Variants in TXNDC12 observed in about 807,000 individuals in gnomAD.
The protein encoded by TXNDC12 is thioredoxin domain-containing protein 12.
A neutral mutation model predicts 24.2 loss-of-function variants in TXNDC12; 22 were observed. The ratio of observed to expected loss-of-function variants is 0.91; its 90% CI spans 0.65 to 1.30. The LOEUF (loss-of-function observed/expected upper bound fraction) is 1.30. Ranked by LOEUF, TXNDC12 falls within the 50% of genes most tolerant of loss-of-function variation. TXNDC12 has a pLI of 0.00. For missense variants in TXNDC12, 184 were observed against 205.8 expected (o/e 0.89, Z 0.65); for synonymous variants, 58 against 73.4 (o/e 0.79, Z 1.07).
intron 2 of TXNDC12, among the ~76,000 whole-genome samples, chr1:52,029,692 A>G (rs1452234984): frequency 6.6e-6 from 1 of 152,238 alleles, no homozygotes; most frequent in Non-Finnish European, 1.5e-5. Flanking sequence ...TCTGACACAT[A>G]TATTATTGAT....
At chr1:52,037,511 G>A (rs1187452653) in intron 2 of TXNDC12, among the ~76,000 whole-genome samples, 4 of 152,022 alleles carry the variant, frequency 2.6e-5, no homozygotes, top group Admixed American at 2.0e-4. Flanking sequence ...GGGCCCAGCC[G>A]CAAATAGACT....
chr1:52,023,973 G>C (rs762146898), intron 5 of TXNDC12, among the ~76,000 whole-genome samples: 2 of 151,536 alleles, frequency 1.3e-5, no homozygotes, highest in Non-Finnish European at 2.9e-5. Flanking sequence ...CTATTGAAGT[G>C]AATAAATGAT....
intron 2 of TXNDC12, chr1:52,033,161 C>A: frequency 6.2e-7 from 1 of 1,614,212 alleles, no homozygotes; most frequent in Non-Finnish European, 8.5e-7. Flanking sequence ...TAAAAGGCAC[C>A]GGACCCATGC....
intron 2 of TXNDC12, 56 bp downstream of exon 2, chr1:52,041,481 G>A (rs1169165314): frequency 1.5e-6 from 2 of 1,290,384 alleles, no homozygotes; most frequent in Non-Finnish European, 2.2e-6. Context: ...TTAACGTTAA[G>A]TTGATAGCTG....
chr1:52,029,982 C>T (rs983169037), intron 2 of TXNDC12, among the ~76,000 whole-genome samples: 3 of 152,084 alleles, frequency 2.0e-5, no homozygotes, highest in Admixed American at 6.6e-5. Flanking sequence ...CATTTAAATC[C>T]TCAAAATAAC....
In TXNDC12 at chr1:52,052,032, A is replaced by T. The variant is rs41294468; in HGVS notation, c.97+2968T>A. 7.2e-5 allele frequency among the ~76,000 whole-genome samples: 11 copies of T among 152,328 alleles called. No homozygotes were observed. The South Asian group carries it at 1.2e-3, about 17-fold the overall frequency. The stretch of plus-strand genomic sequence containing the variant: ...ATTAAATATTTTCTAAGTGTCCGAC[A>T]CAATATTAAGTGCCTTTTGTTTTTT... On this transcript the variant is annotated intron_variant, in intron 1 of 6. Coordinates refer to ENST00000371626, the MANE Select transcript of TXNDC12 (RefSeq NM_015913.4).
At position 52,027,622 on chromosome 1, in the gene TXNDC12, G is replaced by A. The variant is rs1235982068; in HGVS notation, c.212-274C>T. 2.6e-5 allele frequency among the ~76,000 whole-genome samples: 4 copies of A among 151,974 alleles called. No homozygotes were observed. The East Asian group carries it at 7.7e-4, about 29-fold the overall frequency. On this transcript the variant is annotated intron_variant, in intron 3 of 6. Coordinates refer to ENST00000371626, the MANE Select transcript of TXNDC12 (RefSeq NM_015913.4). ...AATGGCATACGAATAGGGGGGAAAAGCATTATTTGCTTTTTATAGTTACAT... is the reference window on the plus strand; with the variant it reads ...AATGGCATACGAATAGGGGGGAAAAACATTATTTGCTTTTTATAGTTACAT...
chr1:52,045,815 G>A (rs527293851), intron 1 of TXNDC12, among the ~76,000 whole-genome samples: 4 of 152,204 alleles, frequency 2.6e-5, no homozygotes, highest in African/African-American at 9.6e-5. Flanking sequence ...TAAGCTGAGT[G>A]ATTTTTCCAT....
chr1:52,032,741 G>A, intron 2 of TXNDC12: 1 of 1,613,804 alleles, frequency 6.2e-7, no homozygotes, highest in Non-Finnish European at 8.5e-7. Flanking sequence ...ATGTTGGCCA[G>A]TTGCGGCAAG....
chr1:52,048,792 G>A (rs1043072054), intron 1 of TXNDC12, among the ~76,000 whole-genome samples: 20 of 152,014 alleles, frequency 1.3e-4, no homozygotes, highest in Non-Finnish European at 2.4e-4. Flanking sequence ...AGGAGGCAGG[G>A]GTTGCAGTGA....
chr1:52,023,481 A>G lies in TXNDC12; in HGVS notation c.439+10T>C, dbSNP rs761865033. ...AGCAATAATCCTCCCTCCCTTCAGC[A>G]TAACTATACCTTGCTCGGCACTGAC... On this transcript the variant is annotated intron_variant, in intron 6 of 6. Coordinates refer to ENST00000371626, the MANE Select transcript of TXNDC12 (RefSeq NM_015913.4). 9.9e-6 allele frequency: 16 copies of G among 1,610,076 alleles called. No homozygotes were observed. In the East Asian group the frequency reaches 3.3e-4, roughly 34 times the overall value.
intron 2 of TXNDC12, among the ~76,000 whole-genome samples, chr1:52,039,389 C>T (rs375193601): frequency 2.0e-5 from 3 of 151,386 alleles, no homozygotes; most frequent in East Asian, 1.9e-4. Context: ...AGTGCAATGG[C>T]GTGATCTTGG....
chr1:52,033,401 C>T, intron 2 of TXNDC12: 1 of 1,451,624 alleles, frequency 6.9e-7, no homozygotes, highest in South Asian at 1.3e-5. Context: ...TCGTTCGCGC[C>T]CGCCACCTGA....
intron 2 of TXNDC12, among the ~76,000 whole-genome samples, chr1:52,037,225 T>G (rs934752099): frequency 6.6e-6 from 1 of 151,282 alleles, no homozygotes; most frequent in African/African-American, 2.4e-5. Flanking sequence ...TTTTTTTTTT[T>G]TTTTGAGACA....
chr1:52,027,698 GTATA>G (rs976473243), intron 3 of TXNDC12, among the ~76,000 whole-genome samples: 1 of 150,930 alleles, frequency 6.6e-6, no homozygotes, highest in African/African-American at 2.4e-5. Context: ...TGCCACACGT[GTATA>G]TGTGTGTGTA....
At chr1:52,054,771 C>T (rs1307097605) in intron 1 of TXNDC12, among the ~76,000 whole-genome samples, 1 of 152,152 alleles carries the variant, frequency 6.6e-6, no homozygotes, top group Non-Finnish European at 1.5e-5. Flanking sequence ...TTCCTTCCCC[C>T]CAATCCAATA....
intron 2 of TXNDC12, among the ~76,000 whole-genome samples, chr1:52,036,132 T>C (rs1685879415): frequency 6.6e-6 from 1 of 152,180 alleles, no homozygotes; most frequent in African/African-American, 2.4e-5. Flanking sequence ...CACTGACCCC[T>C]GACACCATCA....
At chr1:52,046,743 C>T (rs1302767105) in intron 1 of TXNDC12, among the ~76,000 whole-genome samples, 8 of 148,948 alleles carry the variant, frequency 5.4e-5, no homozygotes, top group South Asian at 2.1e-4. Flanking sequence ...TTAGGCCAGG[C>T]GCGGTGGCTC....
At chr1:52,034,268 G>T (rs1371329715) in intron 2 of TXNDC12, among the ~76,000 whole-genome samples, 2 of 152,200 alleles carry the variant, frequency 1.3e-5, no homozygotes, top group African/African-American at 2.4e-5. Flanking sequence ...GTCTGAATGG[G>T]AAGGATCAGG....
Sources: gnomAD v4.1 joint callset for allele counts (sites outside exome capture counted in the v4.1 genomes callset) on GRCh38, gnomAD v4.1.1 for gene constraint, MANE v1.5 for transcripts, NCBI Gene and HGNC (gene_info 2026-07-23, HGNC 2026-07-21) for gene names.